Variants in SLC39A14 observed in about 807,000 individuals in gnomAD.
The protein encoded by SLC39A14 is metal cation symporter ZIP14.
A neutral mutation model predicts 45.5 loss-of-function variants in SLC39A14; 19 were observed. The ratio of observed to expected loss-of-function variants is 0.42; its 90% CI spans 0.29 to 0.61. The LOEUF (loss-of-function observed/expected upper bound fraction) is 0.61, where lower values mean the gene tolerates loss of function less well. Among genes scored for constraint, SLC39A14 ranks in the 20% least tolerant of loss-of-function variants. The pLI is 0.22. For missense variants in SLC39A14, 447 were observed against 616.5 expected, an observed-to-expected ratio of 0.73 and a Z score of 2.91; for synonymous variants, 264 against 251.3, an observed-to-expected ratio of 1.05 and a Z score of -0.48.
Position 22,401,796 on chromosome 8 carries a change from G to A in SLC39A14, c.-15-2900G>A, listed in dbSNP as rs1007792450. Among the ~76,000 whole-genome samples, 4 of 151,802 alleles carry A rather than the reference G, an allele frequency of 2.6e-5. No homozygotes were observed. The East Asian group carries it at 7.8e-4, about 30-fold the overall frequency. On this transcript the variant is annotated intron_variant, in intron 1 of 8. Transcript: ENST00000381237. ...AGTGATCTGCTGGCCTTGGTCTCCC[G>A]AAGCGCTGGGATTACAGGCGTGAGC...
At chr8:22,432,365 TAAAG>T (rs909738233) in intron 8 of SLC39A14, among the ~76,000 whole-genome samples, 25 of 149,998 alleles carry the variant, frequency 1.7e-4, no homozygotes, top group African/African-American at 5.6e-4. Context: ...TAGGTGAAGA[TAAAG>T]AAAAGTGCTT....
At chr8:22,406,434 C>A (rs1400717164) in intron 2 of SLC39A14, among the ~76,000 whole-genome samples, 1 of 152,194 alleles carries the variant, frequency 6.6e-6, no homozygotes, top group Non-Finnish European at 1.5e-5. Context: ...TGGCTGACGC[C>A]TGTAACCCCA....
intron 2 of SLC39A14, among the ~76,000 whole-genome samples, chr8:22,406,797 C>CG (rs1835244819): frequency 6.6e-6 from 1 of 152,112 alleles, no homozygotes; most frequent in African/African-American, 2.4e-5. Context: ...CGTGCCCCCG[C>CG]GGGGTAATGC....
At chr8:22,374,005 G>A (rs115047561) in intron 1 of SLC39A14, among the ~76,000 whole-genome samples, 1 of 152,342 alleles carries the variant, frequency 6.6e-6, no homozygotes, top group African/African-American at 2.4e-5. Flanking sequence ...TGATCCACCG[G>A]TCTTGGCCTC....
rs564755094 is a variant in SLC39A14, at chr8:22,416,493, C to T, written c.1147+213C>T. Among the ~76,000 whole-genome samples the T allele has an allele frequency of 1.1e-4, 16 of 152,164 alleles. No individual in the cohort carries two copies. The South Asian group carries it at 2.5e-3, about 24-fold the overall frequency. On this transcript the variant is annotated intron_variant, in intron 7 of 8. Coordinates refer to ENST00000381237, the MANE Select transcript of SLC39A14 (RefSeq NM_001128431.4). Reference sequence around the variant, plus strand: ...AGGCCGGAGTGCAGTGATGTGATCTCGGCTCACTGCAACCTCCACCTCCTG... The same window carrying T: ...AGGCCGGAGTGCAGTGATGTGATCTTGGCTCACTGCAACCTCCACCTCCTG...
Position 22,416,295 on chromosome 8 carries a change from C to T in SLC39A14, c.1147+15C>T. 1.2e-6 allele frequency: 2 copies of T among 1,610,388 alleles called. No homozygotes were observed. The highest frequency in any genetic ancestry group is 1.7e-6 in the Non-Finnish European group (2 of 1,178,284). ...ACATGAGCTAGGTAAGCGTGCGTCC[C>T]CCGTTCCACTGGTGCTCCCTTGGGT... On this transcript the variant is annotated intron_variant, in intron 7 of 8. Transcript: ENST00000381237.
intron 1 of SLC39A14, among the ~76,000 whole-genome samples, chr8:22,402,227 A>G (rs1340122654): frequency 6.6e-6 from 1 of 151,960 alleles, no homozygotes; most frequent in African/African-American, 2.4e-5. Flanking sequence ...TAAAAATACA[A>G]AAACAAAATT....
At position 22,422,590 on chromosome 8, in the gene SLC39A14, G is replaced by C. The variant is rs1274578138; in HGVS notation, c.*2892G>C. On this transcript the variant is annotated 3_prime_UTR_variant, in exon 9 of 9. Transcript: ENST00000381237. ...ATTTTTTTAAATAACTCAGGTGTAT[G>C]AGAAGAAATTAGAAAAGAAAATTAA... The C allele has an allele frequency of 2.0e-6, 2 of 984,230 alleles. No homozygotes were observed. The highest frequency in any genetic ancestry group is 3.5e-5 in the African/African-American group (2 of 57,198). 61.0% of individuals were successfully genotyped at this position (984,230 alleles called of 1,614,324 possible). A position where few individuals can be genotyped will look rare whatever the true frequency, so the allele number is the denominator to read the frequency against.
chr8:22,419,913 C>G lies in SLC39A14; in HGVS notation c.*215C>G, dbSNP rs1362913907. On this transcript the variant is annotated 3_prime_UTR_variant, in exon 9 of 9. Coordinates refer to ENST00000381237, the MANE Select transcript of SLC39A14 (RefSeq NM_001128431.4). The stretch of plus-strand genomic sequence containing the variant: ...CCAGTCTCTAGCTAGTGCCTCTTGC[C>G]CTCTCCTCACCTCCTTTTCTCTCAG... 11 of 1,248,604 alleles carry G rather than the reference C, an allele frequency of 8.8e-6. No individual in the cohort carries two copies. The East Asian group carries it at 1.6e-4, about 18-fold the overall frequency. The allele number at this position is 1,248,604 out of a possible 1,614,324, so 77.3% of individuals were successfully genotyped here. A position where few individuals can be genotyped will look rare whatever the true frequency, so the allele number is the denominator to read the frequency against.
chr8:22,409,072 C>T (rs751254056), intron 3 of SLC39A14, among the ~76,000 whole-genome samples: 4 of 152,168 alleles, frequency 2.6e-5, no homozygotes, highest in African/African-American at 9.7e-5. Flanking sequence ...CCTCCTGCCT[C>T]GGCCTCCCAA....
rs376326023 is a variant in SLC39A14 at position 22,381,077 on chromosome 8, G to A, written c.-16+13669G>A. ...CAACTTCCGTCTCCTGGGTTCAAGC[G>A]ATTCTCCTGCCTCAGCCTCCGAAGT... On this transcript the variant is annotated intron_variant, in intron 1 of 8. Coordinates refer to ENST00000381237, the MANE Select transcript of SLC39A14 (RefSeq NM_001128431.4). Among the ~76,000 whole-genome samples, 28 of 151,826 alleles carry A rather than the reference G, an allele frequency of 1.8e-4. 3 individuals are homozygous for A. Among genetic ancestry groups the A allele is most frequent in the Admixed American group, 1.4e-3 (22 of 15,232 alleles).
chr8:22,382,883 T>A (rs1041998587), intron 1 of SLC39A14, among the ~76,000 whole-genome samples: 3 of 131,026 alleles, frequency 2.3e-5, no homozygotes, highest in Non-Finnish European at 4.8e-5. Flanking sequence ...CCCCCGCTAA[T>A]TTTTTTTTTT....
At position 22,401,539 on chromosome 8, in the gene SLC39A14, C is replaced by CTTTTTTTTTTTTTTTTTT. The variant is rs1478354009; in HGVS notation, c.-15-3154_-15-3153insTTTTTTTTTTTTTTTTTT. Reference sequence around the variant, plus strand: ...CTTTCTGTCTTTCTCTTTCTCTTCTCTTTCTTTTTTTTTTTTTTTTTTTTT... The same window carrying CTTTTTTTTTTTTTTTTTT: ...CTTTCTGTCTTTCTCTTTCTCTTCTCTTTTTTTTTTTTTTTTTTTTTCTTTTTTTTTTTTTTTTTTTTT... On this transcript the variant is annotated intron_variant, in intron 1 of 8. Transcript: ENST00000381237. Among the ~76,000 whole-genome samples the CTTTTTTTTTTTTTTTTTT allele has an allele frequency of 2.6e-5, 3 of 115,716 alleles. 1 individual carries two copies. The highest frequency in any genetic ancestry group is 8.9e-5 in the Admixed American group (1 of 11,176). 75.9% of individuals were successfully genotyped at this position (115,716 alleles called of 152,430 possible). A position where few individuals can be genotyped will look rare whatever the true frequency, so the allele number is the denominator to read the frequency against.
chr8:22,408,324 A>T lies in SLC39A14; in HGVS notation c.285A>T (p.Gly95=), dbSNP rs1835348180. The T allele has an allele frequency of 6.2e-7, 1 of 1,613,780 alleles. No individual in the cohort carries two copies. Among genetic ancestry groups the T allele is most frequent in the Non-Finnish European group, 8.5e-7 (1 of 1,179,862 alleles). The change falls in exon 3 of 9, where the codon GGA becomes GGT. Residue 95 remains glycine (G), a synonymous_variant. Transcript: ENST00000381237. ...CTGTGTTTCAGTGCTTTAGTTCTGG[A>T]GACCTCTTCACTGCCCACAATTTCA... The part of the protein sequence containing the change: ...HRNLSTCFSS[G]DLFTAHNFSE...
chr8:22,425,372 TTC>T (rs1836366701), downstream of SLC39A14, among the ~76,000 whole-genome samples: 1 of 152,194 alleles, frequency 6.6e-6, no homozygotes, highest in Non-Finnish European at 1.5e-5. Flanking sequence ...GCTATGAGTG[TTC>T]TCTCCTACTT....
chr8:22,384,080 G>A (rs1586657586), intron 1 of SLC39A14, among the ~76,000 whole-genome samples: 1 of 152,158 alleles, frequency 6.6e-6, no homozygotes, highest in East Asian at 1.9e-4. Flanking sequence ...CACGGCAGAA[G>A]CCTTGGCCGT....
At chr8:22,398,556 A>G (rs2132279854) in intron 1 of SLC39A14, 1 of 172,620 alleles carries the variant, frequency 5.8e-6, no homozygotes, top group South Asian at 1.9e-4. Context: ...GGGGGTTGTC[A>G]GGAAAGGGAG....
At chr8:22,409,847 G>A in intron 3 of SLC39A14, 1 of 1,222,676 alleles carries the variant, frequency 8.2e-7, no homozygotes, top group African/African-American at 1.5e-5. Context: ...ATCTCAGTCT[G>A]CCCCATCACA....
chr8:22,426,875 G>T (rs1836395626), downstream of SLC39A14, among the ~76,000 whole-genome samples: 1 of 151,816 alleles, frequency 6.6e-6, no homozygotes, highest in Non-Finnish European at 1.5e-5. Context: ...GTAGAGATGG[G>T]GTTTTCGCCA....
Sources: allele counts gnomAD v4.1 joint callset (sites outside exome capture counted in the v4.1 genomes callset), GRCh38; gene constraint gnomAD v4.1.1; transcripts MANE v1.5; gene names NCBI Gene and HGNC (gene_info 2026-07-23, HGNC 2026-07-21).